The following KDM4C variants were observed in gnomAD, a reference collection of about 807,000 sequenced individuals.
KDM4C encodes the protein lysine-specific demethylase 4C.
A neutral mutation model predicts 129.3 loss-of-function variants in KDM4C; 81 were observed. That is an observed-to-expected ratio of 0.63 (90% CI 0.52 to 0.75). The LOEUF (loss-of-function observed/expected upper bound fraction) is 0.75. KDM4C is among the 30% of genes least tolerant of loss of function. The pLI, the probability that KDM4C is intolerant of heterozygous loss-of-function variation, is 0.00. For synonymous variants in KDM4C, 573 were observed against 456.1 expected (o/e 1.26, Z -3.26); for missense variants, 1,457 against 1,304.0 (o/e 1.12, Z -1.81).
At chr9:6,834,735 T>G in intron 4 of KDM4C, 1 of 968,816 alleles carries the variant, frequency 1.0e-6, no homozygotes, top group East Asian at 2.4e-5. Flanking sequence ...TAAAGGGAGC[T>G]GCATGTGGTT....
At position 7,106,904 on chromosome 9, in the gene KDM4C, A is replaced by G. The variant is rs540085473; in HGVS notation, c.2610+3034A>G. 2.6e-5 allele frequency among the ~76,000 whole-genome samples: 4 copies of G among 152,260 alleles called. No homozygotes were observed. In the East Asian group the frequency reaches 7.7e-4, roughly 29 times the overall value. ...GATTTGTTAATACATTATTCCATCA[A>G]GCAGTAAGCAGAGTTTATAATTAGA... On this transcript the variant is annotated intron_variant, in intron 18 of 21. Transcript: ENST00000381309.
intron 15 of KDM4C, among the ~76,000 whole-genome samples, chr9:7,046,335 C>A (rs1351156652): frequency 6.6e-6 from 1 of 151,806 alleles, no homozygotes; most frequent in Non-Finnish European, 1.5e-5. Context: ...ACACTATTTG[C>A]CCACAGAAAG....
intron 19 of KDM4C, among the ~76,000 whole-genome samples, chr9:7,135,801 C>T (rs754499225): frequency 7.2e-5 from 11 of 152,214 alleles, no homozygotes; most frequent in Non-Finnish European, 1.6e-4. Flanking sequence ...TCGGTGTCTA[C>T]ACTTTGAGGT....
chr9:6,832,060 C>A (rs145252580), intron 4 of KDM4C, among the ~76,000 whole-genome samples: 68 of 152,218 alleles, frequency 4.5e-4, no homozygotes, highest in African/African-American at 1.6e-3. Context: ...AATTTGTCGG[C>A]TGGGTGCGGT....
intron 5 of KDM4C, among the ~76,000 whole-genome samples, chr9:6,876,492 C>T (rs1006532419): frequency 5.3e-5 from 8 of 152,196 alleles, no homozygotes; most frequent in Admixed American, 2.0e-4. Context: ...GTTTAACGTG[C>T]GTTCCCCTCT....
chr9:6,837,389 A>G (rs772589943), intron 4 of KDM4C, among the ~76,000 whole-genome samples: 6 of 152,314 alleles, frequency 3.9e-5, no homozygotes, highest in Non-Finnish European at 7.4e-5. Context: ...TTATTGAGCT[A>G]TAATTTATAC....
At chr9:6,891,832 A>G (rs1846153787) in intron 7 of KDM4C, among the ~76,000 whole-genome samples, 1 of 152,146 alleles carries the variant, frequency 6.6e-6, no homozygotes, top group South Asian at 2.1e-4. Context: ...TATTTAATAA[A>G]TATATTTCTT....
At chr9:6,888,216 C>G (rs887410793) in intron 7 of KDM4C, among the ~76,000 whole-genome samples, 153 bp downstream of exon 7, 12 of 152,150 alleles carry the variant, frequency 7.9e-5, no homozygotes, top group African/African-American at 2.9e-4. Flanking sequence ...TTATCTAAAT[C>G]CTAATTAGAA....
At chr9:6,903,484 G>T (rs1817748037) in intron 8 of KDM4C, among the ~76,000 whole-genome samples, 1 of 152,200 alleles carries the variant, frequency 6.6e-6, no homozygotes, top group Non-Finnish European at 1.5e-5. Flanking sequence ...TGAAGAGAAG[G>T]TGGGCAGTGT....
chr9:6,820,332 T>C (rs1469848468), intron 4 of KDM4C, among the ~76,000 whole-genome samples: 1 of 152,180 alleles, frequency 6.6e-6, no homozygotes, highest in African/African-American at 2.4e-5. Flanking sequence ...AGACCACACC[T>C]AACAGTGTCA....
intron 17 of KDM4C, among the ~76,000 whole-genome samples, chr9:7,096,735 T>C (rs1368589283): frequency 6.6e-6 from 1 of 150,922 alleles, no homozygotes; most frequent in Non-Finnish European, 1.5e-5. Flanking sequence ...GAGATGTGCC[T>C]GACCAACAGG....
intron 19 of KDM4C, among the ~76,000 whole-genome samples, chr9:7,149,710 T>G (rs1277052716): frequency 6.6e-6 from 1 of 152,224 alleles, no homozygotes; most frequent in Non-Finnish European, 1.5e-5. Context: ...GTAGTGTTTG[T>G]GGCTGTGGTG....
At chr9:6,881,671 G>C (rs778925132) in intron 6 of KDM4C, among the ~76,000 whole-genome samples, 1 of 152,178 alleles carries the variant, frequency 6.6e-6, no homozygotes, top group African/African-American at 2.4e-5. Context: ...AATGGTTACC[G>C]TTTGTTTAAT....
At chr9:7,131,352 C>CT (rs1840615831) in intron 19 of KDM4C, among the ~76,000 whole-genome samples, 1 of 152,146 alleles carries the variant, frequency 6.6e-6, no homozygotes, top group African/African-American at 2.4e-5. Context: ...ATTGCTGACT[C>CT]TATAGGGGAA....
chr9:6,761,581 A>T (rs1819512801), intron 1 of KDM4C, among the ~76,000 whole-genome samples: 1 of 152,030 alleles, frequency 6.6e-6, no homozygotes, highest in African/African-American at 2.4e-5. Context: ...CAGCCTCCCA[A>T]AGTGCTAGGA....
chr9:7,066,712 C>G (rs902973445), intron 17 of KDM4C, among the ~76,000 whole-genome samples: 1 of 152,160 alleles, frequency 6.6e-6, no homozygotes, highest in Non-Finnish European at 1.5e-5. Context: ...GCTCCAAATA[C>G]TATGATGTCT....
chr9:7,043,060 A>G (rs972409683), intron 15 of KDM4C, among the ~76,000 whole-genome samples: 3 of 152,072 alleles, frequency 2.0e-5, no homozygotes, highest in African/African-American at 7.2e-5. Context: ...GGGTTGGATG[A>G]TTTTAGGAAT....
At chr9:7,080,342 C>T (rs1229850506) in intron 17 of KDM4C, among the ~76,000 whole-genome samples, 2 of 152,180 alleles carry the variant, frequency 1.3e-5, no homozygotes, top group Non-Finnish European at 2.9e-5. Flanking sequence ...TCAGCCTAGG[C>T]CCCTAAATGG....
intron 19 of KDM4C, among the ~76,000 whole-genome samples, chr9:7,139,501 G>C (rs1345585813): frequency 2.6e-5 from 4 of 152,118 alleles, no homozygotes; most frequent in Non-Finnish European, 5.9e-5. Flanking sequence ...GAGAACTATG[G>C]AAAGAATGTG....
Sources: allele counts gnomAD v4.1 joint callset (sites outside exome capture counted in the v4.1 genomes callset), GRCh38; gene constraint gnomAD v4.1.1; transcripts MANE v1.5; gene names NCBI Gene and HGNC (gene_info 2026-07-23, HGNC 2026-07-21).